The following RALYL variants were observed in gnomAD, a reference collection of about 807,000 sequenced individuals.
The protein encoded by RALYL is RNA-binding Raly-like protein.
Under a neutral mutation model 35.1 loss-of-function variants are expected in RALYL, and 29 were observed. The observed-to-expected ratio is 0.83, with a 90% CI of 0.61 to 1.13. The LOEUF is 1.13. Among genes scored for constraint, RALYL ranks in the 50% most tolerant of loss-of-function variants. RALYL has a pLI of 0.00. For missense variants in RALYL, 359 were observed against 360.4 expected, an observed-to-expected ratio of 1.00 and a Z score of 0.03; for synonymous variants, 120 against 127.6, an observed-to-expected ratio of 0.94 and a Z score of 0.40.
chr8:84,630,988 C>A (rs1823794075), intron 2 of RALYL, among the ~76,000 whole-genome samples: 1 of 151,938 alleles, frequency 6.6e-6, no homozygotes, highest in South Asian at 2.1e-4. Context: ...GAACAACAGA[C>A]AGGTGAACCT....
chr8:84,570,211 TC>T (rs572360505), intron 2 of RALYL, among the ~76,000 whole-genome samples: 3 of 152,086 alleles, frequency 2.0e-5, no homozygotes, highest in Admixed American at 2.0e-4. Context: ...ATACTTTCAA[TC>T]CATGAGCATG....
At chr8:84,848,908 G>A (rs1468853651) in intron 4 of RALYL, among the ~76,000 whole-genome samples, 1 of 152,080 alleles carries the variant, frequency 6.6e-6, no homozygotes, top group Non-Finnish European at 1.5e-5. Context: ...CTTCTTCCAG[G>A]TTGGGGAGTG....
chr8:84,822,718 A>T (rs1363249874), intron 4 of RALYL, among the ~76,000 whole-genome samples: 2 of 152,168 alleles, frequency 1.3e-5, no homozygotes, highest in African/African-American at 4.8e-5. Flanking sequence ...ATTTAGACTT[A>T]ACTAACAATA....
chr8:84,184,838 G>A (rs1274517593), intron 1 of RALYL: 3 of 796,490 alleles, frequency 3.8e-6, no homozygotes, highest in Non-Finnish European at 6.3e-6. Context: ...CGGGCTAGAG[G>A]GGACCCTCAG....
At chr8:84,728,361 A>G (rs1173727470) in intron 2 of RALYL, among the ~76,000 whole-genome samples, 6 of 151,962 alleles carry the variant, frequency 3.9e-5, no homozygotes, top group Admixed American at 2.0e-4. Flanking sequence ...TTCATTGTAG[A>G]TTCTGGATAT....
chr8:84,234,449 G>A (rs1269645701), intron 1 of RALYL, among the ~76,000 whole-genome samples: 3 of 152,128 alleles, frequency 2.0e-5, no homozygotes, highest in Non-Finnish European at 4.4e-5. Context: ...TTAAACTGAT[G>A]ACCAGGATAC....
At chr8:84,253,681 TC>T (rs1022427435) in intron 1 of RALYL, among the ~76,000 whole-genome samples, 1 of 152,142 alleles carries the variant, frequency 6.6e-6, no homozygotes, top group Non-Finnish European at 1.5e-5. Flanking sequence ...ATTCACATCA[TC>T]CTTTTTGGAT....
chr8:84,310,486 TA>T (rs1842562214), intron 1 of RALYL, among the ~76,000 whole-genome samples: 1 of 148,294 alleles, frequency 6.7e-6, no homozygotes, highest in Non-Finnish European at 1.5e-5. Context: ...AAAACGGCAA[TA>T]AATCCGAAAA....
rs993081495 is a variant in RALYL, at chr8:84,921,588, G to C, written c.*677G>C. 2.6e-5 allele frequency: 4 copies of C among 152,116 alleles called. No individual in the cohort carries two copies. Among genetic ancestry groups the C allele is most frequent in the African/African-American group, 9.7e-5 (4 of 41,444 alleles). The allele number at this position is 152,116 out of a possible 1,614,324, so 9.4% of individuals were successfully genotyped here. A position where few individuals can be genotyped will look rare whatever the true frequency, so the allele number is the denominator to read the frequency against. ...AATTATTACTTCAGTCTGGGTATGA[G>C]ATTCCATGGACAAGTAAGGACTAGA... is the stretch of plus-strand genomic sequence containing the variant. On this transcript the variant is annotated 3_prime_UTR_variant, in exon 9 of 9. Transcript: ENST00000521268.
intron 2 of RALYL, among the ~76,000 whole-genome samples, chr8:84,761,541 GC>G (rs1812706637): frequency 1.3e-5 from 2 of 151,844 alleles, no homozygotes; most frequent in Non-Finnish European, 2.9e-5. Context: ...TAATTTTAAT[GC>G]CCCCTTTAAC....
intron 1 of RALYL, among the ~76,000 whole-genome samples, chr8:84,479,810 G>A (rs117615051): frequency 0.03 from 4,523 of 152,116 alleles, 113 homozygotes; most frequent in Non-Finnish European, 0.038. Flanking sequence ...TTCTATTTGA[G>A]CTTCTTTTCC....
intron 2 of RALYL, among the ~76,000 whole-genome samples, chr8:84,561,844 A>G (rs938353494): frequency 6.6e-6 from 1 of 151,956 alleles, no homozygotes; most frequent in Admixed American, 6.6e-5. Context: ...ACACACAATT[A>G]AAAACTTACG....
intron 2 of RALYL, among the ~76,000 whole-genome samples, chr8:84,728,793 A>G (rs1218294991): frequency 1.3e-5 from 2 of 152,028 alleles, no homozygotes; most frequent in East Asian, 1.9e-4. Context: ...GTAGATATGC[A>G]GCATTATTTC....
At chr8:84,484,774 A>T (rs2054430389) in intron 1 of RALYL, among the ~76,000 whole-genome samples, 1 of 152,202 alleles carries the variant, frequency 6.6e-6, no homozygotes, top group East Asian at 1.9e-4. Flanking sequence ...CATTAACTAA[A>T]GTCATATGTG....
chr8:84,428,943 A>G (rs757608603), intron 1 of RALYL, among the ~76,000 whole-genome samples: 4 of 152,164 alleles, frequency 2.6e-5, no homozygotes, highest in African/African-American at 7.2e-5. Flanking sequence ...AAAATTGCAT[A>G]TTCAATTTTT....
At chr8:84,713,363 T>A (rs1482314875) in intron 2 of RALYL, among the ~76,000 whole-genome samples, 2 of 151,958 alleles carry the variant, frequency 1.3e-5, no homozygotes, top group African/African-American at 4.8e-5. Context: ...AACAGCTCAA[T>A]AGCAATAAAA....
intron 4 of RALYL, among the ~76,000 whole-genome samples, chr8:84,835,688 A>T (rs1179319116): frequency 2.7e-5 from 4 of 150,586 alleles, no homozygotes; most frequent in African/African-American, 9.7e-5. Context: ...CGTCTCAAAA[A>T]AAAAAAAAAA....
At chr8:84,854,966 G>T (rs950081121) in intron 5 of RALYL, among the ~76,000 whole-genome samples, 3 of 152,156 alleles carry the variant, frequency 2.0e-5, no homozygotes, top group Non-Finnish European at 4.4e-5. Context: ...TTGAGGGAGC[G>T]TGGAGTGGCT....
chr8:84,271,073 A>T (rs1054464647), intron 1 of RALYL, among the ~76,000 whole-genome samples: 1 of 152,150 alleles, frequency 6.6e-6, no homozygotes, highest in Non-Finnish European at 1.5e-5. Context: ...CAAATTAAAA[A>T]TATTTGCTCT....
Sources: gnomAD v4.1 joint callset for allele counts (sites outside exome capture counted in the v4.1 genomes callset) on GRCh38, gnomAD v4.1.1 for gene constraint, MANE v1.5 for transcripts, NCBI Gene and HGNC (gene_info 2026-07-23, HGNC 2026-07-21) for gene names.